PRELID2: variants seen among roughly 807,000 people sequenced by gnomAD.
PRELID2 encodes PRELI domain containing 2, also known as PRELI domain-containing protein 2.
In PRELID2, 25 loss-of-function variants were observed where a neutral mutation model predicts 28.4. That is an observed-to-expected ratio of 0.88 (90% confidence interval 0.64 to 1.23). The LOEUF is 1.23. Among genes scored for constraint, PRELID2 ranks in the 50% most tolerant of loss-of-function variants. The pLI is 0.00. For missense variants in PRELID2, 201 were observed against 214.4 expected (o/e 0.94, Z 0.39); for synonymous variants, 76 against 71.6 (o/e 1.06, Z -0.31).
chr5:145,364,072 G>T, the PRELID2 span, among the ~76,000 whole-genome samples: 1 of 151,940 alleles, frequency 6.6e-6, no homozygotes, highest in Non-Finnish European at 1.5e-5. Flanking sequence ...CCCAATAATG[G>T]AAAAGTCACT....
chr5:145,830,722 G>A (rs1402389063), intron 1 of PRELID2, among the ~76,000 whole-genome samples: 1 of 152,184 alleles, frequency 6.6e-6, no homozygotes, highest in Non-Finnish European at 1.5e-5. Flanking sequence ...AGAGTTTATT[G>A]AGAAATATTG....
chr5:145,596,422 G>C (rs1753307325), intron 1 of PRELID2, among the ~76,000 whole-genome samples: 1 of 152,108 alleles, frequency 6.6e-6, no homozygotes, highest in African/African-American at 2.4e-5. Flanking sequence ...CAGCTTAGGG[G>C]AGTGGTTCTA....
chr5:145,237,456 C>T, the PRELID2 span, among the ~76,000 whole-genome samples: 7 of 151,856 alleles, frequency 4.6e-5, no homozygotes, highest in Non-Finnish European at 8.8e-5. Context: ...TTGTCTGGAG[C>T]GCTATGACAA....
rs186097504 is a variant in PRELID2, at chr5:145,771,624, G to C, written c.475-6624C>G. ...AATCCCAGCACTTTGGGGAGGCTGA[G>C]GCAGGTGGATCACCTGAGGTCAGGA... On this transcript the variant is annotated intron_variant, in intron 5 of 6. Transcript: ENST00000683046. Among the ~76,000 whole-genome samples, 6 of 152,116 alleles carry C rather than the reference G, an allele frequency of 3.9e-5. No homozygotes were observed. The East Asian group carries it at 5.9e-4, about 15-fold the overall frequency.
the PRELID2 span, among the ~76,000 whole-genome samples, chr5:145,262,531 C>A: frequency 6.6e-6 from 1 of 152,104 alleles, no homozygotes; most frequent in African/African-American, 2.4e-5. Flanking sequence ...GGGGTCCTAT[C>A]TTTTGCCTCC....
At chr5:145,661,564 T>G (rs1208367463) in intron 1 of PRELID2, among the ~76,000 whole-genome samples, 4 of 150,456 alleles carry the variant, frequency 2.7e-5, no homozygotes, top group African/African-American at 4.9e-5. Flanking sequence ...TATGATTCAG[T>G]GGAAACCTCT....
At chr5:145,302,795 A>G in the PRELID2 span, among the ~76,000 whole-genome samples, 1 of 152,146 alleles carries the variant, frequency 6.6e-6, no homozygotes, top group Admixed American at 6.6e-5. Flanking sequence ...TTTAAGGCAC[A>G]ATTGCATTTT....
intron 5 of PRELID2, among the ~76,000 whole-genome samples, chr5:145,768,278 C>T (rs1191962008): frequency 6.8e-6 from 1 of 147,212 alleles, no homozygotes; most frequent in Non-Finnish European, 1.5e-5. Context: ...GGACAAGGGA[C>T]GAAACAACCA....
the PRELID2 span, among the ~76,000 whole-genome samples, chr5:145,408,487 G>A: frequency 2.4e-5 from 3 of 122,668 alleles, no homozygotes; most frequent in African/African-American, 7.8e-5. Context: ...ATTATATATA[G>A]GGGATTGATG....
At chr5:145,229,573 GTAC>G in the PRELID2 span, 2 of 1,475,392 alleles carry the variant, frequency 1.4e-6, no homozygotes, top group Non-Finnish European at 1.9e-6. Context: ...AGCTCTTCAT[GTAC>G]CTGAACGAAG....
Position 145,758,697 on chromosome 5 carries a change from C to A in PRELID2, c.*1839G>T, listed in dbSNP as rs1757335286. Among the ~76,000 whole-genome samples the A allele has an allele frequency of 6.6e-6, 1 of 152,064 alleles. No individual in the cohort carries two copies. Reference sequence around the variant, plus strand: ...TTATTTTTTGAAATAGGCTATTACTCCAAAAGCCTACCAAATGCCATCTAC... The same window carrying A: ...TTATTTTTTGAAATAGGCTATTACTACAAAAGCCTACCAAATGCCATCTAC... On this transcript the variant is annotated 3_prime_UTR_variant, in exon 7 of 7. Coordinates refer to ENST00000683046, the MANE Select transcript of PRELID2 (RefSeq NM_205846.3).
intron 1 of PRELID2, among the ~76,000 whole-genome samples, chr5:145,703,120 T>C (rs148264521): frequency 6.6e-6 from 1 of 152,320 alleles, no homozygotes; most frequent in East Asian, 1.9e-4. Flanking sequence ...GTGTCAAGTA[T>C]ACTAAGTCTT....
chr5:145,514,349 C>T (rs1404118418), intron 1 of PRELID2, among the ~76,000 whole-genome samples: 2 of 143,318 alleles, frequency 1.4e-5, no homozygotes, highest in African/African-American at 2.6e-5. Flanking sequence ...GGTTGCAATC[C>T]TAGTCTCTGA....
At chr5:145,696,297 CA>C (rs1755261388) in intron 1 of PRELID2, among the ~76,000 whole-genome samples, 1 of 150,426 alleles carries the variant, frequency 6.6e-6, no homozygotes, top group Admixed American at 6.7e-5. Flanking sequence ...CTGCTTGACA[CA>C]AAAATATCAC....
intron 1 of PRELID2, among the ~76,000 whole-genome samples, chr5:145,480,348 T>C (rs1752146427): frequency 6.6e-6 from 1 of 152,158 alleles, no homozygotes; most frequent in Non-Finnish European, 1.5e-5. Context: ...GTAATATATT[T>C]ATTGGGTTGT....
chr5:145,364,201 G>C, the PRELID2 span, among the ~76,000 whole-genome samples: 2 of 151,882 alleles, frequency 1.3e-5, no homozygotes, highest in African/African-American at 4.8e-5. Context: ...AATAAACACA[G>C]AGAGAAGTAT....
At chr5:145,320,762 T>C in the PRELID2 span, among the ~76,000 whole-genome samples, 1 of 152,208 alleles carries the variant, frequency 6.6e-6, no homozygotes, top group East Asian at 1.9e-4. Flanking sequence ...GAAAAAAATA[T>C]GTGCTGACTT....
chr5:145,427,883 A>G, the PRELID2 span, among the ~76,000 whole-genome samples: 60,535 of 152,032 alleles, frequency 0.4, 12,572 homozygotes, highest in Admixed American at 0.48. Flanking sequence ...TGGAGAGAAC[A>G]GATTGGAAGG....
At chr5:145,265,888 G>C in the PRELID2 span, among the ~76,000 whole-genome samples, 36 of 152,280 alleles carry the variant, frequency 2.4e-4, no homozygotes, top group African/African-American at 7.9e-4. Context: ...ATCCCTTCTA[G>C]ACATTGATTT....
Sources: allele counts gnomAD v4.1 joint callset (sites outside exome capture counted in the v4.1 genomes callset), GRCh38; gene constraint gnomAD v4.1.1; transcripts MANE v1.5; gene names NCBI Gene and HGNC (gene_info 2026-07-23, HGNC 2026-07-21).